The following NLRP9 variants were observed in gnomAD, a reference collection of about 807,000 sequenced individuals.
The protein encoded by NLRP9 is NLR family pyrin domain containing 9.
In NLRP9, 88 loss-of-function variants were observed where a neutral mutation model predicts 83.1. That is an observed-to-expected ratio of 1.06 (90% confidence interval 0.89 to 1.26). The LOEUF (loss-of-function observed/expected upper bound fraction) is 1.26, where lower values mean the gene tolerates loss of function less well. Ranked by LOEUF, NLRP9 falls within the 50% of genes most tolerant of loss-of-function variation. The pLI, the probability that NLRP9 is intolerant of heterozygous loss-of-function variation, is 0.00. For missense variants in NLRP9, 1,308 were observed against 1,179.3 expected (o/e 1.11, Z -1.60); for synonymous variants, 521 against 447.6 (o/e 1.16, Z -2.07).
chr19:55,715,318 A>T, intron 5 of NLRP9, 93 bp from the exon 6 acceptor site: 1 of 1,064,190 alleles, frequency 9.4e-7, no homozygotes, highest in Non-Finnish European at 1.4e-6. Flanking sequence ...GAAGCTTCCT[A>T]TGGTAATATT....
chr19:55,717,841 G>T (rs568769736), intron 4 of NLRP9, among the ~76,000 whole-genome samples: 1 of 152,146 alleles, frequency 6.6e-6, no homozygotes, highest in African/African-American at 2.4e-5. Flanking sequence ...TTCAGAGAGC[G>T]TCCAGGTTGG....
At position 55,732,873 on chromosome 19, in the gene NLRP9, C is replaced by A. The variant is rs1988632189; in HGVS notation, c.958G>T (p.Val320Phe). ...FFGEKSKALK[V>F]FNFVRDNGPL... ...CCATTATCTCTCACAAAATTGAAGA[C>A]TTTCAGGGCTTTGCTCTTCTCACCA... is the stretch of plus-strand genomic sequence containing the variant. The change falls in exon 2 of 9, where the codon GTC becomes TTC. Residue 320 changes from valine to phenylalanine, a missense_variant. Transcript: ENST00000332836. 1 of 1,614,070 alleles carries A rather than the reference C, an allele frequency of 6.2e-7. No homozygotes were observed. Among genetic ancestry groups the A allele is most frequent in the East Asian group, 2.2e-5 (1 of 44,886 alleles).
chr19:55,728,487 G>A (rs545053974), intron 3 of NLRP9, among the ~76,000 whole-genome samples: 30 of 152,094 alleles, frequency 2.0e-4, no homozygotes, highest in African/African-American at 3.1e-4. Flanking sequence ...CAGGAGAATC[G>A]CTTGAACCCG....
intron 4 of NLRP9, among the ~76,000 whole-genome samples, chr19:55,718,373 AG>A (rs1988100933): frequency 1.3e-5 from 2 of 152,186 alleles, no homozygotes; most frequent in Admixed American, 1.3e-4. Flanking sequence ...TTGAGATAAG[AG>A]GAAGGCTTCT....
In NLRP9 at chr19:55,716,853, G is replaced by T; in HGVS notation, c.2205C>A (p.Ala735=). 6.2e-7 allele frequency: 1 copy of T among 1,613,866 alleles called. No individual in the cohort carries two copies. The change falls in exon 5 of 9, where the codon GCC becomes GCA. Residue 735 remains alanine, a synonymous_variant. Coordinates refer to ENST00000332836, the MANE Select transcript of NLRP9 (RefSeq NM_176820.4). Reference sequence around the variant, plus strand: ...GCTTGCTGTTGCAGGCCAGGACGGAGGCGATGTCTTCACAAACTTCACTGG... The same window carrying T: ...GCTTGCTGTTGCAGGCCAGGACGGATGCGATGTCTTCACAAACTTCACTGG... ...DISSEVCEDI[A]SVLACNSKLK... is the part of the protein sequence containing the mutation.
chr19:55,711,541 A>T lies in NLRP9; in HGVS notation c.2843+259T>A, dbSNP rs751555353. ...CAACTGTGTCTCCGAGGGACTTCTG[A>T]CAATTTCTGGAGCTCTTTTTGATTG... On this transcript the variant is annotated intron_variant, in intron 8 of 8. Coordinates refer to ENST00000332836, the MANE Select transcript of NLRP9 (RefSeq NM_176820.4). 6.7e-6 allele frequency: 8 copies of T among 1,201,296 alleles called. No individual in the cohort carries two copies. In the South Asian group the frequency reaches 1.0e-4, roughly 15 times the overall value. 74.4% of individuals were successfully genotyped at this position (1,201,296 alleles called of 1,614,324 possible).
At chr19:55,720,046 T>G (rs1340313925) in intron 4 of NLRP9, among the ~76,000 whole-genome samples, 2 of 152,050 alleles carry the variant, frequency 1.3e-5, no homozygotes, top group Non-Finnish European at 2.9e-5. Context: ...CTCTGATGTG[T>G]GGGGGAAAAA....
chr19:55,724,698 G>A (rs919809901), intron 3 of NLRP9, among the ~76,000 whole-genome samples: 1 of 151,886 alleles, frequency 6.6e-6, no homozygotes, highest in African/African-American at 2.4e-5. Context: ...TGTTGCTTTT[G>A]CAAGATTGGG....
At chr19:55,727,008 G>C (rs74701959) in intron 3 of NLRP9, among the ~76,000 whole-genome samples, 1 of 152,140 alleles carries the variant, frequency 6.6e-6, no homozygotes, top group Non-Finnish European at 1.5e-5. Context: ...ATATCAATGA[G>C]TTGGGAGGTC....
At position 55,724,156 on chromosome 19, in the gene NLRP9, TA is replaced by T. The variant is rs141643684; in HGVS notation, c.1995-13del. 10,072 of 1,374,026 alleles carry T rather than the reference TA, an allele frequency of 7.3e-3. No individual in the cohort carries two copies. Among genetic ancestry groups the T allele is most frequent in the South Asian group, 0.011 (815 of 72,362 alleles). The allele number at this position is 1,374,026 out of a possible 1,614,324, so 85.1% of individuals were successfully genotyped here. A position where few individuals can be genotyped will look rare whatever the true frequency, so the allele number is the denominator to read the frequency against. On this transcript the variant is annotated splice_polypyrimidine_tract_variant and intron_variant, in intron 3 of 8. Transcript: ENST00000332836. ...ACACAGAAGTAAATCTGCAAAAGAT[TA>T]AAAAAAAAATAGCATCATGCAATGA...
At chr19:55,718,063 C>T (rs897642645) in intron 4 of NLRP9, among the ~76,000 whole-genome samples, 6 of 152,188 alleles carry the variant, frequency 3.9e-5, no homozygotes, top group Non-Finnish European at 8.8e-5. Context: ...CACAGAAACA[C>T]GTGGTTTAAT....
chr19:55,716,407 C>T (rs975922289), intron 5 of NLRP9, among the ~76,000 whole-genome samples: 13 of 151,830 alleles, frequency 8.6e-5, no homozygotes, highest in African/African-American at 2.2e-4. Flanking sequence ...TATGGGCATG[C>T]GCCACCACAC....
intron 2 of NLRP9, 70 bp from the exon 3 acceptor site, chr19:55,730,062 A>C: frequency 7.0e-7 from 1 of 1,420,922 alleles, no homozygotes; most frequent in Non-Finnish European, 9.7e-7. Context: ...AAACAGGTCG[A>C]ACACCATTTC....
At chr19:55,730,916 A>G (rs1474170193) in intron 2 of NLRP9, among the ~76,000 whole-genome samples, 2 of 152,172 alleles carry the variant, frequency 1.3e-5, no homozygotes, top group Non-Finnish European at 2.9e-5. Flanking sequence ...CCTGAACTTA[A>G]AAGTTGGAAA....
chr19:55,730,028 TA>T, intron 2 of NLRP9, 36 bp from the exon 3 acceptor site: 1 of 1,582,128 alleles, frequency 6.3e-7, no homozygotes, highest in Non-Finnish European at 8.6e-7. Flanking sequence ...CTCCAGTGGC[TA>T]AACTCAATTC....
chr19:55,722,256 G>GGA (rs1988250763), intron 4 of NLRP9, among the ~76,000 whole-genome samples: 1 of 152,126 alleles, frequency 6.6e-6, no homozygotes, highest in Non-Finnish European at 1.5e-5. Context: ...CAATCCTTAT[G>GGA]TTAATGTATA....
At chr19:55,729,058 T>TTTTC (rs1988490025) in intron 3 of NLRP9, among the ~76,000 whole-genome samples, 1 of 140,374 alleles carries the variant, frequency 7.1e-6, no homozygotes, top group African/African-American at 2.9e-5. Context: ...TTCTTTTTTT[T>TTTTC]TTTTTTTTTT....
At position 55,718,879 on chromosome 19, in the gene NLRP9, C is replaced by G. The variant is rs141164703; in HGVS notation, c.2160-1981G>C. Among the ~76,000 whole-genome samples, 233 of 152,304 alleles carry G rather than the reference C, an allele frequency of 1.5e-3. 1 individual carries two copies. The highest frequency in any genetic ancestry group is 5.2e-3 in the African/African-American group (216 of 41,558). The stretch of plus-strand genomic sequence containing the variant: ...ACCCACAGGTGTGGAGGGGCTGGCC[C>G]CCTTCACACTCAGGACCCTTCCAGA... On this transcript the variant is annotated intron_variant, in intron 4 of 8. Coordinates refer to ENST00000332836, the MANE Select transcript of NLRP9 (RefSeq NM_176820.4).
intron 4 of NLRP9, 136 bp downstream of exon 4, chr19:55,723,844 G>A (rs772373930): frequency 1.1e-5 from 7 of 664,118 alleles, no homozygotes. Context: ...CCTTATGAGA[G>A]AGACAGATTC....
Sources: allele counts gnomAD v4.1 joint callset (sites outside exome capture counted in the v4.1 genomes callset), GRCh38; gene constraint gnomAD v4.1.1; transcripts MANE v1.5; gene names NCBI Gene and HGNC (gene_info 2026-07-23, HGNC 2026-07-21).